PCCA: variants seen among roughly 807,000 people sequenced by gnomAD.
The protein encoded by PCCA is propionyl-CoA carboxylase alpha chain, mitochondrial.
Under a neutral mutation model 101.3 loss-of-function variants are expected in PCCA, and 74 were observed. The ratio of observed to expected loss-of-function variants is 0.73; its 90% CI spans 0.61 to 0.89. PCCA has a LOEUF of 0.89. Among genes scored for constraint, PCCA ranks in the 40% least tolerant of loss-of-function variants. The pLI is 0.00. For synonymous variants in PCCA, 294 were observed against 313.6 expected (o/e 0.94, Z 0.66); for missense variants, 891 against 907.0 (o/e 0.98, Z 0.23).
rs186399251 is a variant in PCCA at position 100,140,887 on chromosome 13, T to C, written c.301-14092T>C. Reference sequence around the variant, plus strand: ...ATACTATGTTGTGTATCCTATATTATGGTAAAAGTTTGGTTAGATAACAGA... The same window carrying C: ...ATACTATGTTGTGTATCCTATATTACGGTAAAAGTTTGGTTAGATAACAGA... On this transcript the variant is annotated intron_variant, in intron 4 of 23. Transcript: ENST00000376285. Among the ~76,000 whole-genome samples the C allele has an allele frequency of 3.0e-3, 451 of 152,308 alleles. 2 individuals carry two copies. Among genetic ancestry groups the C allele is most frequent in the African/African-American group, 9.1e-3 (378 of 41,558 alleles).
In PCCA at chr13:100,303,900, T is replaced by C. The variant is rs546625534; in HGVS notation, c.1284+902T>C. The stretch of plus-strand genomic sequence containing the variant: ...AAAAATTGTGAAGATTTAACAGGCA[T>C]TATGTGACGTTAAATAGCACATGAG... On this transcript the variant is annotated intron_variant, in intron 14 of 23. Transcript: ENST00000376285. Among the ~76,000 whole-genome samples the C allele has an allele frequency of 8.5e-5, 13 of 152,318 alleles. No individual in the cohort carries two copies. The East Asian group carries it at 2.3e-3, about 27-fold the overall frequency.
intron 10 of PCCA, among the ~76,000 whole-genome samples, chr13:100,265,029 C>T (rs1343694455): frequency 6.6e-6 from 1 of 152,090 alleles, no homozygotes; most frequent in Non-Finnish European, 1.5e-5. Context: ...CTTCCTTTTT[C>T]AAATTAGATT....
chr13:100,301,478 GA>G lies in PCCA; in HGVS notation c.1086del (p.Glu362AspfsTer8), dbSNP rs771730987. ...TRLQVEHPVT[E>X]CITGLDLVQE... The stretch of plus-strand genomic sequence containing the variant: ...CTTGCAGGTTGAGCATCCTGTCACA[GA>G]ATGCATTACTGGCCTGGACCTAGTC... On this transcript the variant is annotated frameshift_variant, in exon 13 of 24. Transcript: ENST00000376285. LOFTEE classifies it high-confidence loss of function. 1.2e-6 allele frequency: 2 copies of G among 1,614,096 alleles called. No homozygotes were observed. The highest frequency in any genetic ancestry group is 4.5e-5 in the East Asian group (2 of 44,874).
At chr13:100,103,082 C>G in intron 2 of PCCA, 122 bp downstream of exon 2, 1 of 701,422 alleles carries the variant, frequency 1.4e-6, no homozygotes, top group Non-Finnish European at 2.6e-6. Flanking sequence ...TCATTGATCA[C>G]TCTAGCATTG....
At chr13:100,288,580 G>A (rs1209050722) in intron 12 of PCCA, among the ~76,000 whole-genome samples, 1 of 152,162 alleles carries the variant, frequency 6.6e-6, no homozygotes, top group Non-Finnish European at 1.5e-5. Context: ...GGCACCCGGC[G>A]ATACATTGTT....
chr13:100,178,162 T>A (rs2056418280), intron 6 of PCCA, among the ~76,000 whole-genome samples: 1 of 152,218 alleles, frequency 6.6e-6, no homozygotes, highest in African/African-American at 2.4e-5. Flanking sequence ...GATTATTTAA[T>A]TTGATTCAGG....
At chr13:100,137,165 C>G (rs933907781) in intron 4 of PCCA, among the ~76,000 whole-genome samples, 1 of 151,906 alleles carries the variant, frequency 6.6e-6, no homozygotes, top group Non-Finnish European at 1.5e-5. Flanking sequence ...GATTTTTCTA[C>G]TGTCTTTCTG....
intron 12 of PCCA, among the ~76,000 whole-genome samples, chr13:100,294,731 T>G (rs925003635): frequency 6.6e-6 from 1 of 152,184 alleles, no homozygotes; most frequent in Non-Finnish European, 1.5e-5. Flanking sequence ...GAATAGCCAG[T>G]ACTCACTTTG....
In PCCA at chr13:100,396,964, A is replaced by G. The variant is rs74820019; in HGVS notation, c.1746+28390A>G. On this transcript the variant is annotated intron_variant, in intron 19 of 23. Coordinates refer to ENST00000376285, the MANE Select transcript of PCCA (RefSeq NM_000282.4). The stretch of plus-strand genomic sequence containing the variant: ...ACCTGCAGTTTCCCTTTCTTCCACG[A>G]TAGGGCGCGCACCTACACTGTTAGG... Among the ~76,000 whole-genome samples the G allele has an allele frequency of 6.6e-5, 10 of 152,130 alleles. No homozygotes were observed. In the East Asian group the frequency reaches 1.9e-3, roughly 29 times the overall value.
chr13:100,167,836 G>A (rs754095652), intron 6 of PCCA, among the ~76,000 whole-genome samples: 29 of 151,864 alleles, frequency 1.9e-4, no homozygotes, highest in Non-Finnish European at 3.2e-4. Context: ...GTGCGATCTC[G>A]GCTCTCTGCA....
At chr13:100,504,763 C>T (rs996613797) in intron 21 of PCCA, among the ~76,000 whole-genome samples, 2 of 152,194 alleles carry the variant, frequency 1.3e-5, no homozygotes, top group Non-Finnish European at 1.5e-5. Flanking sequence ...GGTGAAACCC[C>T]ATCTCTACTA....
In PCCA at chr13:100,449,269, A is replaced by T. The variant is rs937736837; in HGVS notation, c.1863A>T (p.Ala621=). Residue 621 remains alanine (A), a synonymous_variant, in exon 21 of 24, where the codon GCA becomes GCT. Coordinates refer to ENST00000376285, the MANE Select transcript of PCCA (RefSeq NM_000282.4). ...TTTTTTAGTGTCTTTCTCGAGAAGC[A>T]GGTGGAAACATGAGCATTCAGTTTC... is the stretch of plus-strand genomic sequence containing the variant. The part of the protein sequence containing the change: ...QRTVQCLSRE[A]GGNMSIQFLG... 6.5e-7 allele frequency: 1 copy of T among 1,540,698 alleles called. No homozygotes were observed. The highest frequency in any genetic ancestry group is 1.4e-5 in the African/African-American group (1 of 72,824).
chr13:100,154,611 G>A (rs1179441444), intron 4 of PCCA: 2 of 326,976 alleles, frequency 6.1e-6, no homozygotes, highest in Non-Finnish European at 1.2e-5. Context: ...CTGGGCATGA[G>A]TGCTCTTTAT....
At chr13:100,340,935 AAAG>A (rs1451300924) in intron 18 of PCCA, among the ~76,000 whole-genome samples, 2 of 152,232 alleles carry the variant, frequency 1.3e-5, no homozygotes, top group African/African-American at 4.8e-5. Flanking sequence ...AGTTTAAAAA[AAAG>A]AAAAAAAAAG....
At chr13:100,341,117 C>T (rs1260289038) in intron 18 of PCCA, among the ~76,000 whole-genome samples, 2 of 152,000 alleles carry the variant, frequency 1.3e-5, no homozygotes, top group Non-Finnish European at 2.9e-5. Flanking sequence ...GTTCTCTTTA[C>T]CTAGAAAGAA....
At chr13:100,449,142 T>C in intron 20 of PCCA, 110 bp from the exon 21 acceptor site, 1 of 636,686 alleles carries the variant, frequency 1.6e-6, no homozygotes, top group Non-Finnish European at 2.8e-6. Flanking sequence ...TACTATATTT[T>C]GTTTACCCAT....
chr13:100,284,805 A>T (rs180692468), intron 12 of PCCA, among the ~76,000 whole-genome samples: 7 of 152,098 alleles, frequency 4.6e-5, no homozygotes, highest in Non-Finnish European at 5.9e-5. Context: ...ACACATCCCA[A>T]CTTAGGTGGA....
chr13:100,323,377 A>G (rs904358620), intron 16 of PCCA, among the ~76,000 whole-genome samples: 1 of 151,842 alleles, frequency 6.6e-6, no homozygotes, highest in Non-Finnish European at 1.5e-5. Flanking sequence ...GCTGGAGTAC[A>G]ATGGTGCGGT....
chr13:100,294,036 G>A (rs926580234), intron 12 of PCCA, among the ~76,000 whole-genome samples: 11 of 152,192 alleles, frequency 7.2e-5, no homozygotes, highest in African/African-American at 1.4e-4. Context: ...ACAAAAATGT[G>A]TTTTCTCAAA....
Sources: gnomAD v4.1 joint callset for allele counts (sites outside exome capture counted in the v4.1 genomes callset) on GRCh38, gnomAD v4.1.1 for gene constraint, MANE v1.5 for transcripts, NCBI Gene and HGNC (gene_info 2026-07-23, HGNC 2026-07-21) for gene names.